The following NUBP2 variants were observed in gnomAD, a reference collection of about 807,000 sequenced individuals.
NUBP2 encodes NUBP iron-sulfur cluster assembly factor 2, cytosolic, also known as cytosolic Fe-S cluster assembly factor NUBP2.
In NUBP2, 23 loss-of-function variants were observed where a neutral mutation model predicts 24.9. The observed-to-expected ratio is 0.92, with a 90% CI of 0.66 to 1.31. NUBP2 has a LOEUF of 1.31. Ranked by LOEUF, NUBP2 falls within the 50% of genes most tolerant of loss-of-function variation. NUBP2 has a pLI of 0.00. For missense variants in NUBP2, 403 were observed against 386.5 expected, an observed-to-expected ratio of 1.04 and a Z score of -0.36; for synonymous variants, 186 against 170.9, an observed-to-expected ratio of 1.09 and a Z score of -0.69.
intron 1 of NUBP2, chr16:1,786,085 T>A (rs960640182): frequency 1.0e-5 from 9 of 893,148 alleles, no homozygotes; most frequent in African/African-American, 1.8e-5. Flanking sequence ...AACGCGTGGT[T>A]GTTGCCACCC....
Position 1,785,532 on chromosome 16 carries a change from C to T in NUBP2, c.17-1005C>T, listed in dbSNP as rs570219637. On this transcript the variant is annotated intron_variant, in intron 1 of 6. Transcript: ENST00000262302. ...CAGAAGTGCATGCTCCCTCTCTGCA[C>T]GGGCCACTTCTGGTACCTCTTGGTG... 88 of 1,206,800 alleles carry T rather than the reference C, an allele frequency of 7.3e-5. 2 individuals carry two copies. In the South Asian group the frequency reaches 9.1e-4, roughly 13 times the overall value. 74.8% of individuals were successfully genotyped at this position (1,206,800 alleles called of 1,614,324 possible). A position where few individuals can be genotyped will look rare whatever the true frequency, so the allele number is the denominator to read the frequency against.
Position 1,788,958 on chromosome 16 carries a change from C to T in NUBP2, c.*244C>T, listed in dbSNP as rs2142007666. ...GTGAGACGGGGGCGGCCTGGGCTCT[C>T]TTCCCATCCATGTTGCCTACCTGTG... On this transcript the variant is annotated 3_prime_UTR_variant, in exon 7 of 7. Coordinates refer to ENST00000262302, the MANE Select transcript of NUBP2 (RefSeq NM_012225.4). The T allele has an allele frequency of 7.8e-6, 4 of 510,304 alleles. No individual in the cohort carries two copies. Among genetic ancestry groups the T allele is most frequent in the Non-Finnish European group, 1.0e-5 (3 of 291,896 alleles). The allele number at this position is 510,304 out of a possible 1,614,324, so 31.6% of individuals were successfully genotyped here. A position where few individuals can be genotyped will look rare whatever the true frequency, so the allele number is the denominator to read the frequency against.
Position 1,782,969 on chromosome 16 carries a change from A to G in NUBP2, c.-52A>G. The G allele has an allele frequency of 1.4e-6, 2 of 1,412,328 alleles. No individual in the cohort carries two copies. The highest frequency in any genetic ancestry group is 3.0e-5 in the East Asian group (1 of 32,870). 87.5% of individuals were successfully genotyped at this position (1,412,328 alleles called of 1,614,324 possible). A position where few individuals can be genotyped will look rare whatever the true frequency, so the allele number is the denominator to read the frequency against. On this transcript the variant is annotated 5_prime_UTR_variant, in exon 1 of 7. Coordinates refer to ENST00000262302, the MANE Select transcript of NUBP2 (RefSeq NM_012225.4). ...GCCCTTCGCTCTAGCTGGGAGGCTGACGGCCCGCGGGCGTAAGCGGACTGC... is the reference window on the plus strand; with the variant it reads ...GCCCTTCGCTCTAGCTGGGAGGCTGGCGGCCCGCGGGCGTAAGCGGACTGC...
At position 1,786,796 on chromosome 16, in the gene NUBP2, C is replaced by T; in HGVS notation, c.175C>T (p.Pro59Ser). Residue 59 changes from proline (P) to serine (S), a missense_variant, in exon 3 of 7, where the codon CCC (proline) becomes TCC (serine). Pro to Ser is a moderately conservative substitution (Grantham distance 74). Transcript: ENST00000262302. ...LDVDLCGPSI[P>S]RMLGAQGRAV... ...TGTGGACCTGTGTGGCCCCAGTATC[C>T]CCCGCATGCTCGGGGCGCAGGGCAG... 3 of 1,610,306 alleles carry T rather than the reference C, an allele frequency of 1.9e-6. No homozygotes were observed. Among genetic ancestry groups the T allele is most frequent in the Non-Finnish European group, 2.5e-6 (3 of 1,178,330 alleles).
chr16:1,783,314 G>A (rs570540091), intron 1 of NUBP2: 2 of 1,125,060 alleles, frequency 1.8e-6, no homozygotes, highest in East Asian at 4.7e-5. Context: ...CCGCGTTGTA[G>A]GCGGGCGCGG....
At chr16:1,783,901 G>C in intron 1 of NUBP2, 1 of 385,170 alleles carries the variant, frequency 2.6e-6, no homozygotes, top group Non-Finnish European at 3.5e-6. Flanking sequence ...CACCGTGTTA[G>C]CCAGGATGGT....
intron 1 of NUBP2, chr16:1,786,184 C>T (rs1178028750): frequency 2.8e-6 from 1 of 352,680 alleles, no homozygotes; most frequent in African/African-American, 2.1e-5. Context: ...TAGCAGGGGG[C>T]TGGCAGTTTC....
chr16:1,783,081 G>A (rs1896797936), intron 1 of NUBP2, 45 bp downstream of exon 1: 1 of 1,236,734 alleles, frequency 8.1e-7, no homozygotes, highest in Non-Finnish European at 1.0e-6. Context: ...GGCCTCGCTT[G>A]GGGCCCCGCC....
rs968061893 is a variant in NUBP2 at position 1,786,923 on chromosome 16, A to G, written c.302A>G (p.Glu101Gly). ...SVGFLLEKPD[E>G]AVVWRGPKKN... ...GGCTTCCTGCTGGAGAAGCCGGACG[A>G]GGCCGTGGTGTGGAGAGGCCCCAAG... The change falls in exon 3 of 7, where the codon GAG becomes GGG. Residue 101 changes from glutamate to glycine, a missense_variant. By Grantham distance (98) the Glu-to-Gly change is moderately conservative. Coordinates refer to ENST00000262302, the MANE Select transcript of NUBP2 (RefSeq NM_012225.4). 2 of 1,538,146 alleles carry G rather than the reference A, an allele frequency of 1.3e-6. No individual in the cohort carries two copies. The highest frequency in any genetic ancestry group is 2.7e-5 in the African/African-American group (2 of 73,014).
At position 1,788,802 on chromosome 16, in the gene NUBP2, G is replaced by A; in HGVS notation, c.*88G>A. Reference sequence around the variant, plus strand: ...AACAGAGGCCTGGGCTCGGTTCCCGGGCCCTGCAGGGGCAGGCCCAGGCAG... The same window carrying A: ...AACAGAGGCCTGGGCTCGGTTCCCGAGCCCTGCAGGGGCAGGCCCAGGCAG... On this transcript the variant is annotated 3_prime_UTR_variant, in exon 7 of 7. Coordinates refer to ENST00000262302, the MANE Select transcript of NUBP2 (RefSeq NM_012225.4). The A allele has an allele frequency of 1.4e-6, 2 of 1,450,640 alleles. No homozygotes were observed. Among genetic ancestry groups the A allele is most frequent in the Non-Finnish European group, 9.1e-7 (1 of 1,094,296 alleles). The allele number at this position is 1,450,640 out of a possible 1,614,324, so 89.9% of individuals were successfully genotyped here.
Position 1,786,896 on chromosome 16 carries a change from T to G in NUBP2, c.275T>G (p.Val92Gly). Residue 92 changes from valine (V) to glycine (G), a missense_variant, in exon 3 of 7, where the codon GTG becomes GGG. By Grantham distance (109) the Val-to-Gly change is moderately radical. Transcript: ENST00000262302. ...GAGCAGAGCATCTCGCTCATGTCTGTGGGCTTCCTGCTGGAGAAGCCGGAC... is the reference window on the plus strand; with the variant it reads ...GAGCAGAGCATCTCGCTCATGTCTGGGGGCTTCCTGCTGGAGAAGCCGGAC... Reference protein sequence around the residue: ...DREQSISLMSVGFLLEKPDEA... With the variant: ...DREQSISLMSGGFLLEKPDEA... The G allele has an allele frequency of 6.4e-7, 1 of 1,559,200 alleles. No homozygotes were observed.
chr16:1,788,427 G>C, intron 6 of NUBP2, 142 bp from the exon 7 acceptor site: 1 of 1,306,568 alleles, frequency 7.7e-7, no homozygotes, highest in South Asian at 1.6e-5. Flanking sequence ...CTGCTGGGAG[G>C]GCCGCGGGTC....
chr16:1,784,925 T>C (rs961139444), intron 1 of NUBP2: 20 of 190,206 alleles, frequency 1.1e-4, no homozygotes, highest in Non-Finnish European at 1.9e-4. Context: ...TGGTCCCAGG[T>C]ACTCTGGAAG....
intron 1 of NUBP2, chr16:1,783,616 G>A (rs935108556): frequency 2.1e-6 from 1 of 477,790 alleles, no homozygotes. Flanking sequence ...AAGAGACCTC[G>A]AGTCCGATAC....
Position 1,788,549 on chromosome 16 carries a change from G to A in NUBP2, c.671-20G>A, listed in dbSNP as rs774676160. On this transcript the variant is annotated intron_variant, in intron 6 of 6. Coordinates refer to ENST00000262302, the MANE Select transcript of NUBP2 (RefSeq NM_012225.4). Reference sequence around the variant, plus strand: ...TGGAAGGTGCGGACATGGCGCCACCGCCTCCACTGTGCCCTGCAGGCTCCG... The same window carrying A: ...TGGAAGGTGCGGACATGGCGCCACCACCTCCACTGTGCCCTGCAGGCTCCG... 29 of 1,586,746 alleles carry A rather than the reference G, an allele frequency of 1.8e-5. No homozygotes were observed. The highest frequency in any genetic ancestry group is 3.5e-4 in the Middle Eastern group (2 of 5,758).
rs898368172 is a variant in NUBP2 at position 1,789,091 on chromosome 16, C to T, written c.*377C>T. On this transcript the variant is annotated 3_prime_UTR_variant, in exon 7 of 7. Coordinates refer to ENST00000262302, the MANE Select transcript of NUBP2 (RefSeq NM_012225.4). ...GGGTCGCTGTCATCTGTGTTTAGCT[C>T]GGGGAGTGCCCCCTAAGGGGGCGAA... 6.6e-5 allele frequency: 13 copies of T among 197,132 alleles called. No homozygotes were observed. The highest frequency in any genetic ancestry group is 5.4e-4 in the Admixed American group (9 of 16,644). 12.2% of individuals were successfully genotyped at this position (197,132 alleles called of 1,614,324 possible).
At chr16:1,783,760 C>A (rs924979785) in intron 1 of NUBP2, 7 of 165,288 alleles carry the variant, frequency 4.2e-5, no homozygotes, top group Non-Finnish European at 7.5e-5. Flanking sequence ...GTGGCGCGGT[C>A]TCGGCTCACT....
At position 1,788,715 on chromosome 16, in the gene NUBP2, C is replaced by CT. The variant is rs763191631; in HGVS notation, c.*2dup. The CT allele has an allele frequency of 6.2e-7, 1 of 1,607,472 alleles. No homozygotes were observed. Among genetic ancestry groups the CT allele is most frequent in the Non-Finnish European group, 8.5e-7 (1 of 1,176,536 alleles). On this transcript the variant is annotated 3_prime_UTR_variant, in exon 7 of 7. Coordinates refer to ENST00000262302, the MANE Select transcript of NUBP2 (RefSeq NM_012225.4). ...CGCGACGCCCGCGTGCCTCCCCTGACTAAGGCCACCTTGCAGCCGCTTTCC... is the reference window on the plus strand; with the variant it reads ...CGCGACGCCCGCGTGCCTCCCCTGACTTAAGGCCACCTTGCAGCCGCTTTCC...
At chr16:1,788,105 T>C (rs1342176266) in intron 5 of NUBP2, 33 bp from the exon 6 acceptor site, 8 of 1,554,700 alleles carry the variant, frequency 5.1e-6, no homozygotes, top group Non-Finnish European at 6.1e-6. Flanking sequence ...GGTGGGGGCT[T>C]TGGGCAGTGC....
Sources: gnomAD v4.1 joint callset for allele counts on GRCh38, gnomAD v4.1.1 for gene constraint, MANE v1.5 for transcripts, NCBI Gene and HGNC (gene_info 2026-07-23, HGNC 2026-07-21) for gene names.